Variants in SSBP2 observed in about 807,000 individuals in gnomAD.
The protein encoded by SSBP2 is single stranded DNA binding protein 2, also known as single-stranded DNA-binding protein 2.
In SSBP2, 17 loss-of-function variants were observed where a neutral mutation model predicts 61.8. That is an observed-to-expected ratio of 0.28 (90% CI 0.19 to 0.41). The LOEUF (loss-of-function observed/expected upper bound fraction) is 0.41. Among genes scored for constraint, SSBP2 ranks in the 10% least tolerant of loss-of-function variants. The pLI, the probability that SSBP2 is intolerant of heterozygous loss-of-function variation, is 1.00. For missense variants in SSBP2, 310 were observed against 458.7 expected, an observed-to-expected ratio of 0.68 and a Z score of 2.96; for synonymous variants, 139 against 141.3, an observed-to-expected ratio of 0.98 and a Z score of 0.12.
In SSBP2 at chr5:81,415,922, A is replaced by AAAAAAAAAAAAAAAAAAAAAAAAG. The variant is rs766994399; in HGVS notation, c.*4581_*4582insCTTTTTTTTTTTTTTTTTTTTTTT. The AAAAAAAAAAAAAAAAAAAAAAAAG allele has an allele frequency of 4.7e-4, 35 of 73,732 alleles. No individual in the cohort carries two copies. Among genetic ancestry groups the AAAAAAAAAAAAAAAAAAAAAAAAG allele is most frequent in the African/African-American group, 2.8e-3 (19 of 6,784 alleles). The allele number at this position is 73,732 out of a possible 1,614,324, so 4.6% of individuals were successfully genotyped here. A position where few individuals can be genotyped will look rare whatever the true frequency, so the allele number is the denominator to read the frequency against. On this transcript the variant is annotated 3_prime_UTR_variant, in exon 17 of 17. Transcript: ENST00000320672. Reference sequence around the variant, plus strand: ...GCAAGATTCTGACTCAAAAAAAAAAAAAAAAAAGAGGAAAACCTGATCAAG... The same window carrying AAAAAAAAAAAAAAAAAAAAAAAAG: ...GCAAGATTCTGACTCAAAAAAAAAAAAAAAAAAAAAAAAAAAAAAAAAAGAAAAAAAGAGGAAAACCTGATCAAG...
At chr5:81,554,681 T>C (rs773434244) in intron 4 of SSBP2, among the ~76,000 whole-genome samples, 13 of 152,080 alleles carry the variant, frequency 8.5e-5, no homozygotes, top group Non-Finnish European at 1.6e-4. Flanking sequence ...AAAAGAGGTT[T>C]AGAATTGTTA....
At chr5:81,595,081 T>C (rs1156428285) in intron 4 of SSBP2, among the ~76,000 whole-genome samples, 1 of 152,024 alleles carries the variant, frequency 6.6e-6, no homozygotes, top group African/African-American at 2.4e-5. Flanking sequence ...ATCAACAAAA[T>C]TTATAGACCA....
intron 1 of SSBP2, among the ~76,000 whole-genome samples, chr5:81,694,277 G>A (rs1753437946): frequency 6.6e-6 from 1 of 152,182 alleles, no homozygotes; most frequent in African/African-American, 2.4e-5. Flanking sequence ...GGTACCTGCA[G>A]TCAACAACAA....
chr5:81,652,674 T>C (rs2153717402), intron 1 of SSBP2, among the ~76,000 whole-genome samples: 1 of 152,232 alleles, frequency 6.6e-6, no homozygotes, highest in Admixed American at 6.5e-5. Flanking sequence ...CCAAAAAGGG[T>C]GTCAGGGAGC....
At chr5:81,706,074 C>T (rs1375979606) in intron 1 of SSBP2, among the ~76,000 whole-genome samples, 1 of 152,082 alleles carries the variant, frequency 6.6e-6, no homozygotes, top group Non-Finnish European at 1.5e-5. Flanking sequence ...TTCACAGTAG[C>T]AAAGACATGG....
chr5:81,681,769 A>C (rs1752405267), intron 1 of SSBP2, among the ~76,000 whole-genome samples: 1 of 152,130 alleles, frequency 6.6e-6, no homozygotes, highest in African/African-American at 2.4e-5. Context: ...AGAGAAAATC[A>C]ACAAAGCCAA....
At chr5:81,491,106 G>T (rs953294778) in intron 5 of SSBP2, among the ~76,000 whole-genome samples, 4 of 152,038 alleles carry the variant, frequency 2.6e-5, no homozygotes, top group African/African-American at 9.7e-5. Flanking sequence ...CACCTATGAA[G>T]CTGTCTTTTT....
At chr5:81,454,922 C>T (rs1489206692) in intron 10 of SSBP2, among the ~76,000 whole-genome samples, 1 of 151,670 alleles carries the variant, frequency 6.6e-6, no homozygotes, top group Non-Finnish European at 1.5e-5. Flanking sequence ...AGAGAAGGGG[C>T]CAAACATAAT....
intron 8 of SSBP2, among the ~76,000 whole-genome samples, chr5:81,467,767 A>G (rs1764990249): frequency 6.6e-6 from 1 of 152,000 alleles, no homozygotes; most frequent in South Asian, 2.1e-4. Flanking sequence ...AACAACTTTC[A>G]CACTTGGCTT....
intron 4 of SSBP2, among the ~76,000 whole-genome samples, chr5:81,539,523 C>A (rs1420802294): frequency 1.3e-5 from 2 of 152,158 alleles, no homozygotes. Flanking sequence ...CAAATGCCAT[C>A]AAACAGTATT....
chr5:81,746,100 T>C (rs1205266890), intron 1 of SSBP2, among the ~76,000 whole-genome samples: 1 of 152,066 alleles, frequency 6.6e-6, no homozygotes, highest in Non-Finnish European at 1.5e-5. Flanking sequence ...TGAAAAAAAA[T>C]TACAATATTA....
intron 5 of SSBP2, among the ~76,000 whole-genome samples, chr5:81,507,959 G>A (rs1348237835): frequency 6.6e-6 from 1 of 152,046 alleles, no homozygotes; most frequent in Non-Finnish European, 1.5e-5. Flanking sequence ...AAATCCACTT[G>A]GTCTAAGGAA....
chr5:81,750,139 T>G (rs1189316676), intron 1 of SSBP2, among the ~76,000 whole-genome samples: 1 of 150,526 alleles, frequency 6.6e-6, no homozygotes, highest in African/African-American at 2.5e-5. Context: ...AACGCCAGCC[T>G]CCTCCAGCGG....
intron 2 of SSBP2, among the ~76,000 whole-genome samples, chr5:81,643,882 C>A (rs947080475): frequency 6.6e-6 from 1 of 152,028 alleles, no homozygotes; most frequent in Non-Finnish European, 1.5e-5. Context: ...GGATTACATG[C>A]GTGAGCCACC....
chr5:81,466,673 C>G (rs1311188565), intron 9 of SSBP2, among the ~76,000 whole-genome samples: 1 of 151,358 alleles, frequency 6.6e-6, no homozygotes, highest in African/African-American at 2.4e-5. Context: ...CTGTAGTTAT[C>G]AAAATGAAAT....
intron 4 of SSBP2, among the ~76,000 whole-genome samples, chr5:81,520,912 ACTTT>A (rs1769431154): frequency 6.6e-6 from 1 of 152,038 alleles, no homozygotes; most frequent in South Asian, 2.1e-4. Flanking sequence ...TTATTAAGTC[ACTTT>A]CTTTTTCATG....
chr5:81,655,521 C>T (rs948895440), intron 1 of SSBP2, among the ~76,000 whole-genome samples: 5 of 152,150 alleles, frequency 3.3e-5, no homozygotes, highest in African/African-American at 7.2e-5. Context: ...ATATCAGTGA[C>T]CAAGTTATCA....
chr5:81,705,885 C>T (rs961392163), intron 1 of SSBP2, among the ~76,000 whole-genome samples: 3 of 152,184 alleles, frequency 2.0e-5, no homozygotes, highest in African/African-American at 7.2e-5. Context: ...AACACACATA[C>T]ACTGTTGGTG....
intron 1 of SSBP2, among the ~76,000 whole-genome samples, chr5:81,687,663 G>A (rs1752916591): frequency 6.6e-6 from 1 of 152,278 alleles, no homozygotes; most frequent in East Asian, 1.9e-4. Flanking sequence ...AACCAGCTCG[G>A]TCACAGTAGG....
Sources: allele counts gnomAD v4.1 joint callset (sites outside exome capture counted in the v4.1 genomes callset), GRCh38; gene constraint gnomAD v4.1.1; transcripts MANE v1.5; gene names NCBI Gene and HGNC (gene_info 2026-07-23, HGNC 2026-07-21).